PARP16: variants seen among roughly 807,000 people sequenced by gnomAD.
PARP16 encodes the protein protein mono-ADP-ribosyltransferase PARP16.
PARP16 carries 31 observed loss-of-function variants against 35.0 expected under a neutral mutation model. The observed-to-expected ratio is 0.88, with a 90% CI of 0.66 to 1.19. PARP16 has a LOEUF of 1.19. Among genes scored for constraint, PARP16 ranks in the 50% most tolerant of loss-of-function variants. The pLI is 0.00. For missense variants in PARP16, 424 were observed against 411.2 expected, an observed-to-expected ratio of 1.03 and a Z score of -0.27; for synonymous variants, 162 against 169.5, an observed-to-expected ratio of 0.96 and a Z score of 0.34.
rs372274568 is a variant in PARP16 at position 65,236,976 on chromosome 15, AAAAAAAAAAAG to A, written c.*98-2164_*98-2154del. ...GACAGAGCAAGACTCTGTCTCAAAA[AAAAAAAAAAAG>A]AAAAAAAAAAGAAAAAAGGTGTGGA... On this transcript the variant is annotated intron_variant and NMD_transcript_variant, in intron 3 of 3. Transcript: ENST00000559805. Among the ~76,000 whole-genome samples the A allele has an allele frequency of 9.9e-5, 15 of 151,910 alleles. No individual in the cohort carries two copies. In the East Asian group the frequency reaches 1.4e-3, roughly 14 times the overall value.
downstream of PARP16, among the ~76,000 whole-genome samples, chr15:65,233,654 T>C (rs1024937330): frequency 2.4e-4 from 36 of 151,438 alleles, no homozygotes; most frequent in African/African-American, 8.0e-4. Flanking sequence ...GAGAATCCCT[T>C]GAGCCTTGGA....
At chr15:65,274,789 G>T (rs148746134) in intron 1 of PARP16, among the ~76,000 whole-genome samples, 29 of 152,050 alleles carry the variant, frequency 1.9e-4, no homozygotes, top group African/African-American at 7.0e-4. Flanking sequence ...TAATCAAGTG[G>T]GGAGGCAGAA....
intron 3 of PARP16, among the ~76,000 whole-genome samples, chr15:65,242,028 A>T (rs2089092528): frequency 6.6e-6 from 1 of 152,142 alleles, no homozygotes; most frequent in Non-Finnish European, 1.5e-5. Flanking sequence ...TTTGTGGCCC[A>T]CTTGGATTAA....
intron 4 of PARP16, among the ~76,000 whole-genome samples, chr15:65,261,548 C>T (rs954867960): frequency 6.6e-6 from 1 of 151,622 alleles, no homozygotes; most frequent in African/African-American, 2.4e-5. Flanking sequence ...CTCTGCCTCC[C>T]GGGTTCAAGC....
At chr15:65,282,794 A>G (rs1359890696) in intron 1 of PARP16, among the ~76,000 whole-genome samples, 2 of 152,120 alleles carry the variant, frequency 1.3e-5, no homozygotes, top group African/African-American at 4.8e-5. Context: ...TACGTTGCTG[A>G]TGCTCTCTTA....
chr15:65,242,242 A>T (rs2140738801), intron 3 of PARP16, among the ~76,000 whole-genome samples: 1 of 152,316 alleles, frequency 6.6e-6, no homozygotes, highest in South Asian at 2.1e-4. Context: ...TTATCTTTAC[A>T]TCAATACCAC....
At chr15:65,241,779 T>A (rs1329232768) in intron 3 of PARP16, among the ~76,000 whole-genome samples, 3 of 152,188 alleles carry the variant, frequency 2.0e-5, no homozygotes, top group African/African-American at 7.2e-5. Context: ...AGGAAGTTTT[T>A]AAAAAATATA....
intron 2 of PARP16, chr15:65,248,237 G>A (rs2089263468): frequency 2.2e-6 from 1 of 456,298 alleles, no homozygotes; most frequent in Non-Finnish European, 4.4e-6. Flanking sequence ...GCCTAGTGTG[G>A]GGACAATCAC....
chr15:65,242,070 G>A (rs2089093436), intron 3 of PARP16, among the ~76,000 whole-genome samples: 1 of 152,108 alleles, frequency 6.6e-6, no homozygotes, highest in Non-Finnish European at 1.5e-5. Flanking sequence ...AAGGATAGAG[G>A]TTCATTTTGT....
rs1251460516 is a variant in PARP16 at position 65,260,993 on chromosome 15, A to G, written c.725T>C (p.Ile242Thr). ...GATGTCTCCCCCTTCACTATGTTTG[A>G]TTCTCGCTCGTCTGCGATCTATCTC... ...SKEIDRRRARIKHSEGGDIPP... is the reference protein window; with the variant it reads ...SKEIDRRRARTKHSEGGDIPP... The change falls in exon 5 of 6, where the codon ATC becomes ACC. Residue 242 changes from isoleucine (I) to threonine (T), a missense_variant. Coordinates refer to ENST00000649807, the MANE Select transcript of PARP16 (RefSeq NM_001316943.2). The G allele has an allele frequency of 6.2e-7, 1 of 1,613,862 alleles. No individual in the cohort carries two copies. Among genetic ancestry groups the G allele is most frequent in the Non-Finnish European group, 8.5e-7 (1 of 1,179,900 alleles).
At chr15:65,253,316 T>C (rs2089409576), downstream of PARP16, among the ~76,000 whole-genome samples, 1 of 152,078 alleles carries the variant, frequency 6.6e-6, no homozygotes, top group South Asian at 2.1e-4. Flanking sequence ...TGCATTTTTT[T>C]TCTCGTCTAA....
chr15:65,242,888 T>C (rs935591043), intron 3 of PARP16, among the ~76,000 whole-genome samples: 2 of 151,978 alleles, frequency 1.3e-5, no homozygotes, highest in African/African-American at 4.8e-5. Flanking sequence ...CTAATTTTTG[T>C]ATTTTTAGTA....
chr15:65,277,097 A>G (rs984775249), intron 1 of PARP16, among the ~76,000 whole-genome samples: 1 of 152,086 alleles, frequency 6.6e-6, no homozygotes, highest in Non-Finnish European at 1.5e-5. Context: ...TTAGGAATCC[A>G]GTCTGGCCTC....
At chr15:65,285,118 C>T (rs1221567508) in intron 1 of PARP16, among the ~76,000 whole-genome samples, 1 of 151,266 alleles carries the variant, frequency 6.6e-6, no homozygotes, top group Non-Finnish European at 1.5e-5. Flanking sequence ...AAAAGTTCGC[C>T]CAATAACCTG....
At position 65,273,210 on chromosome 15, in the gene PARP16, G is replaced by A. The variant is rs550452722; in HGVS notation, c.175-2138C>T. On this transcript the variant is annotated intron_variant, in intron 1 of 5. Transcript: ENST00000649807. ...AAAGAATCACTTGAACCCAGGAGGC[G>A]GAGGTTGCAGTGAGCCAAGATGGCG... Among the ~76,000 whole-genome samples the A allele has an allele frequency of 3.5e-5, 5 of 143,540 alleles. No homozygotes were observed. The South Asian group carries it at 9.0e-4, about 26-fold the overall frequency. 94.2% of individuals were successfully genotyped at this position (143,540 alleles called of 152,430 possible). A position where few individuals can be genotyped will look rare whatever the true frequency, so the allele number is the denominator to read the frequency against.
chr15:65,261,139 G>T (rs1279490688), intron 4 of PARP16, 113 bp from the exon 5 acceptor site: 1 of 971,868 alleles, frequency 1.0e-6, no homozygotes, highest in Non-Finnish European at 1.5e-6. Context: ...AGGCCTGGCA[G>T]GCTGAGGAAC....
intron 3 of PARP16, among the ~76,000 whole-genome samples, chr15:65,240,462 A>T (rs1055240745): frequency 2.0e-5 from 3 of 151,860 alleles, no homozygotes; most frequent in Non-Finnish European, 4.4e-5. Context: ...GAACTCAATC[A>T]ATCGCCCACC....
intron 3 of PARP16, among the ~76,000 whole-genome samples, chr15:65,263,724 C>T (rs1004989091): frequency 3.9e-5 from 6 of 152,110 alleles, no homozygotes; most frequent in Admixed American, 2.0e-4. Flanking sequence ...ACAAGGTTGC[C>T]AGTGAGGATT....
chr15:65,259,267 T>C lies in PARP16; in HGVS notation c.*140A>G. The C allele has an allele frequency of 3.9e-6, 3 of 761,186 alleles. No individual in the cohort carries two copies. Among genetic ancestry groups the C allele is most frequent in the East Asian group, 2.5e-5 (1 of 40,802 alleles). 47.2% of individuals were successfully genotyped at this position (761,186 alleles called of 1,614,324 possible). A position where few individuals can be genotyped will look rare whatever the true frequency, so the allele number is the denominator to read the frequency against. On this transcript the variant is annotated 3_prime_UTR_variant, in exon 6 of 6. Coordinates refer to ENST00000649807, the MANE Select transcript of PARP16 (RefSeq NM_001316943.2). ...AACATCATCAAAGGCAATGGATACA[T>C]TTAGGCCATATGAAAATTGTCCTGT...
Sources: allele counts gnomAD v4.1 joint callset (sites outside exome capture counted in the v4.1 genomes callset), GRCh38; gene constraint gnomAD v4.1.1; transcripts MANE v1.5; gene names NCBI Gene and HGNC (gene_info 2026-07-23, HGNC 2026-07-21).